Variants in ZNF195 observed in about 807,000 individuals in gnomAD.
ZNF195 encodes the protein zinc finger protein 195, also known as hypoxia-regulated factor-1.
ZNF195 carries 11 observed loss-of-function variants against 19.5 expected under a neutral mutation model. The ratio of observed to expected loss-of-function variants is 0.57; its 90% CI spans 0.36 to 0.94. The LOEUF (loss-of-function observed/expected upper bound fraction) is 0.94, where lower values mean the gene tolerates loss of function less well. ZNF195 is among the 40% of genes least tolerant of loss of function. The pLI is 0.01. For missense variants in ZNF195, 582 were observed against 709.0 expected, an observed-to-expected ratio of 0.82 and a Z score of 2.03; for synonymous variants, 214 against 248.1, an observed-to-expected ratio of 0.86 and a Z score of 1.29.
chr11:3,373,079 A>G (rs1849296067), intron 1 of ZNF195, among the ~76,000 whole-genome samples: 1 of 152,198 alleles, frequency 6.6e-6, no homozygotes, highest in South Asian at 2.1e-4. Flanking sequence ...TAGCATTCTA[A>G]AAAGCAAGTG....
chr11:3,360,859 A>G (rs1211512912), intron 4 of ZNF195, 71 bp from the exon 5 acceptor site: 5 of 1,358,506 alleles, frequency 3.7e-6, no homozygotes, highest in Non-Finnish European at 5.1e-6. Flanking sequence ...TCCGCAGTAT[A>G]GCATCATGCC....
intron 3 of ZNF195, chr11:3,366,969 G>A (rs1351350397): frequency 2.2e-6 from 1 of 453,614 alleles, no homozygotes. Context: ...GGAGGCTGAA[G>A]TGGGAAGAAG....
chr11:3,359,603 C>G lies in ZNF195; in HGVS notation c.1405G>C (p.Glu469Gln). 1 of 1,614,182 alleles carries G rather than the reference C, an allele frequency of 6.2e-7. No homozygotes were observed. Residue 469 changes from glutamate to glutamine, a missense_variant, in exon 6 of 6, where the codon GAA becomes CAA. By Grantham distance (29) the Glu-to-Gln change is conservative. This residue lies in a region of ZNF195 where 407 missense variants were observed against 530.5 expected (regional missense o/e 0.77). Transcript: ENST00000399602. This position sits in a 1 kb window ranked among gnomAD's most constrained non-coding sequence, Gnocchi z 5.5. The part of the protein sequence containing the change: ...IHTGEKPYQC[E>Q]ECGKVFRTCS... ...GTTCTGAAGACCTTCCCACATTCTT[C>G]ACATTGGTAGGGTTTCTCTCCGGTG...
chr11:3,360,972 GGTTTCTGCCCCCT>G (rs1478853120), intron 4 of ZNF195, among the ~76,000 whole-genome samples, 184 bp from the exon 5 acceptor site: 3 of 152,202 alleles, frequency 2.0e-5, no homozygotes, highest in African/African-American at 7.2e-5. Flanking sequence ...GGCAAAGATT[GGTTTCTGCCCCCT>G]GTGACACGGA....
intron 3 of ZNF195, among the ~76,000 whole-genome samples, chr11:3,368,228 CAT>C (rs1849001372): frequency 6.6e-6 from 1 of 152,154 alleles, no homozygotes; most frequent in East Asian, 1.9e-4. Context: ...AGGACAGTGA[CAT>C]AGAAAAATGG....
At position 3,360,708 on chromosome 11, in the gene ZNF195, A is replaced by C; in HGVS notation, c.442+12T>G. ...CCCTAATTTCTGTATAAACATATAA[A>C]TGTAACAATACCTAGTGAGAAGATG... On this transcript the variant is annotated intron_variant, in intron 5 of 5. Transcript: ENST00000399602. 3 of 1,550,960 alleles carry C rather than the reference A, an allele frequency of 1.9e-6. No homozygotes were observed. Among genetic ancestry groups the C allele is most frequent in the Non-Finnish European group, 2.6e-6 (3 of 1,146,760 alleles).
At position 3,360,774 on chromosome 11, in the gene ZNF195, C is replaced by T; in HGVS notation, c.388G>A (p.Gly130Arg). ...AACCATTTCACAGTTTGCAGCACCC[C>T]AGGTGAGCACAGTGCTAGGAGCCAG... ...VDKFTALCSPGVLQTVKWFLE... is the reference protein window; with the variant it reads ...VDKFTALCSPRVLQTVKWFLE... The change falls in exon 5 of 6, where the codon GGG (glycine) becomes AGG (arginine). Residue 130 changes from glycine (G) to arginine (R), a missense_variant. Transcript: ENST00000399602. 6.4e-7 allele frequency: 1 copy of T among 1,551,488 alleles called. No individual in the cohort carries two copies. Among genetic ancestry groups the T allele is most frequent in the Non-Finnish European group, 8.7e-7 (1 of 1,146,946 alleles).
intron 1 of ZNF195, chr11:3,373,489 A>G: frequency 9.9e-7 from 1 of 1,011,688 alleles, no homozygotes; most frequent in South Asian, 1.4e-5. Context: ...GAAACACCAC[A>G]AGTAGAGAAG....
chr11:3,369,517 A>G (rs1849074519), intron 3 of ZNF195: 1 of 453,408 alleles, frequency 2.2e-6, no homozygotes, highest in African/African-American at 2.0e-5. Context: ...ATGGATAAAG[A>G]AAATGTGATA....
Position 3,379,132 on chromosome 11 carries a change from G to T in ZNF195, c.-92C>A. The T allele has an allele frequency of 3.6e-6, 5 of 1,388,318 alleles. No individual in the cohort carries two copies. Among genetic ancestry groups the T allele is most frequent in the Non-Finnish European group, 3.8e-6 (4 of 1,057,562 alleles). 86.0% of individuals were successfully genotyped at this position (1,388,318 alleles called of 1,614,324 possible). On this transcript the variant is annotated 5_prime_UTR_variant, in exon 1 of 6. Coordinates refer to ENST00000399602, the MANE Select transcript of ZNF195 (RefSeq NM_001130520.3). The stretch of plus-strand genomic sequence containing the variant: ...TACGGCTAGCAGGGGACACAGAGCC[G>T]CGGGGACAGGAAGTGGAGCTCTGTC...
chr11:3,360,894 G>T, intron 4 of ZNF195, 106 bp from the exon 5 acceptor site: 2 of 951,400 alleles, frequency 2.1e-6, no homozygotes, highest in Non-Finnish European at 3.0e-6. Flanking sequence ...CTCAGCTCTT[G>T]GCTTCTCCTT....
chr11:3,362,906 G>A lies in ZNF195; in HGVS notation c.227-1017C>T, dbSNP rs149208919. The A allele has an allele frequency of 8.9e-3, 1,639 of 183,372 alleles. 115 individuals carry two copies. The Admixed American group carries it at 0.093, about 10-fold the overall frequency. The allele number at this position is 183,372 out of a possible 1,614,324, so 11.4% of individuals were successfully genotyped here. On this transcript the variant is annotated intron_variant, in intron 3 of 5. Coordinates refer to ENST00000399602, the MANE Select transcript of ZNF195 (RefSeq NM_001130520.3). The stretch of plus-strand genomic sequence containing the variant: ...GGCAAGATGGAAATAGACATTTCAT[G>A]CAAATGTTAATGAAATGAGAGCAGA...
chr11:3,367,592 C>A (rs926297450), intron 3 of ZNF195, among the ~76,000 whole-genome samples: 3 of 152,022 alleles, frequency 2.0e-5, no homozygotes, highest in African/African-American at 7.3e-5. Context: ...CGATGCTATT[C>A]TTATGCAAAT....
intron 3 of ZNF195, chr11:3,369,559 A>C (rs151078608): frequency 1.1e-4 from 46 of 436,992 alleles, no homozygotes; most frequent in Middle Eastern, 1.0e-3. Context: ...CTCAGCCATA[A>C]AAAAGGAATG....
intron 2 of ZNF195, 78 bp from the exon 3 acceptor site, chr11:3,371,148 GAACATTATA>G: frequency 1.5e-6 from 2 of 1,323,954 alleles, no homozygotes; most frequent in Non-Finnish European, 2.1e-6. Flanking sequence ...TTAGTAGAGT[GAACATTATA>G]TAAGATTCTA....
At chr11:3,373,601 T>C (rs1164024673) in intron 1 of ZNF195, 2 of 1,550,898 alleles carry the variant, frequency 1.3e-6, no homozygotes, top group Non-Finnish European at 1.7e-6. Context: ...TTTCTTTCTC[T>C]TTCTCCTGCT....
At chr11:3,378,997 GC>G in intron 1 of ZNF195, 40 bp downstream of exon 1, 2 of 1,390,854 alleles carry the variant, frequency 1.4e-6, no homozygotes, top group South Asian at 1.6e-5. Flanking sequence ...GTTCCAGTCC[GC>G]CCCTCCCTGT....
intron 3 of ZNF195, among the ~76,000 whole-genome samples, chr11:3,365,539 G>T (rs1185894208): frequency 6.6e-6 from 1 of 152,212 alleles, no homozygotes; most frequent in Admixed American, 6.5e-5. Context: ...AGATAATTTA[G>T]TTTTTTAAAG....
At chr11:3,361,228 G>A (rs906540179) in intron 4 of ZNF195, among the ~76,000 whole-genome samples, 2 of 152,160 alleles carry the variant, frequency 1.3e-5, no homozygotes, top group African/African-American at 4.8e-5. Flanking sequence ...TAGAATCTGG[G>A]CCTATTTGTT....
Sources: gnomAD v4.1 joint callset for allele counts (sites outside exome capture counted in the v4.1 genomes callset) on GRCh38, gnomAD v4.1.1 for gene constraint, gnomAD v4.1.1 regional missense constraint, Gnocchi (gnomAD v3.1) non-coding constraint, MANE v1.5 for transcripts, NCBI Gene and HGNC (gene_info 2026-07-23, HGNC 2026-07-21) for gene names.